The following PDE10A variants were observed in gnomAD, a reference collection of about 807,000 sequenced individuals.
The protein encoded by PDE10A is phosphodiesterase 10A, also known as cAMP and cAMP-inhibited cGMP 3',5'-cyclic phosphodiesterase 10A.
PDE10A carries 39 observed loss-of-function variants against 97.7 expected under a neutral mutation model. The ratio of observed to expected loss-of-function variants is 0.40; its 90% CI spans 0.31 to 0.52. The LOEUF is 0.52. Among genes scored for constraint, PDE10A ranks in the 20% least tolerant of loss-of-function variants. The pLI, the probability that PDE10A is intolerant of heterozygous loss-of-function variation, is 0.56. For synonymous variants in PDE10A, 371 were observed against 376.8 expected, an observed-to-expected ratio of 0.98 and a Z score of 0.18; for missense variants, 731 against 1,047.8, an observed-to-expected ratio of 0.70 and a Z score of 4.17.
At chr6:165,551,574 G>C (rs1009552411) in intron 1 of PDE10A, among the ~76,000 whole-genome samples, 4 of 152,166 alleles carry the variant, frequency 2.6e-5, no homozygotes. Flanking sequence ...AATAATTGTA[G>C]CAGTTTTCTA....
rs78414147 is a variant in PDE10A, at chr6:165,444,073, A to T, written c.1194+4855T>A. Among the ~76,000 whole-genome samples the T allele has an allele frequency of 9.3e-3, 1,407 of 151,982 alleles. 23 individuals are homozygous for T. The highest frequency in any genetic ancestry group is 0.033 in the African/African-American group (1,351 of 41,426). On this transcript the variant is annotated intron_variant, in intron 5 of 21. Coordinates refer to ENST00000539869, the MANE Select transcript of PDE10A (RefSeq NM_001385079.1). Reference sequence around the variant, plus strand: ...GTTCTGCTTCCCTTTTAAACACAAAACCTTCTCTTCATGAACACATATGAC... The same window carrying T: ...GTTCTGCTTCCCTTTTAAACACAAATCCTTCTCTTCATGAACACATATGAC...
intron 1 of PDE10A, chr6:165,948,449 G>A (rs1029563399): frequency 6.6e-6 from 1 of 152,334 alleles, no homozygotes; most frequent in African/African-American, 2.4e-5. Context: ...AGAGAGCAGA[G>A]GAGCTTGCAC....
chr6:165,666,779 C>T (rs1383232821), upstream of PDE10A, among the ~76,000 whole-genome samples: 1 of 152,104 alleles, frequency 6.6e-6, no homozygotes, highest in Non-Finnish European at 1.5e-5. Flanking sequence ...ATTTTATCTG[C>T]ACATATCAAC....
chr6:165,777,302 A>G (rs1164990361), intron 1 of PDE10A, among the ~76,000 whole-genome samples: 1 of 152,202 alleles, frequency 6.6e-6, no homozygotes, highest in Non-Finnish European at 1.5e-5. Flanking sequence ...GGGAGAACAG[A>G]CAAAGATCAC....
At chr6:165,775,083 T>C (rs1318921433) in intron 1 of PDE10A, 1 of 152,168 alleles carries the variant, frequency 6.6e-6, no homozygotes, top group African/African-American at 2.4e-5. Flanking sequence ...TGCTCATCAC[T>C]GGCCCTCTTC....
At chr6:165,768,834 C>T (rs752945407) in intron 1 of PDE10A, among the ~76,000 whole-genome samples, 6 of 151,992 alleles carry the variant, frequency 3.9e-5, no homozygotes, top group Non-Finnish European at 8.8e-5. Context: ...ACTTGGTGAT[C>T]GTAATCATCT....
chr6:165,424,045 G>A (rs1255931528), intron 10 of PDE10A, among the ~76,000 whole-genome samples: 1 of 151,958 alleles, frequency 6.6e-6, no homozygotes, highest in African/African-American at 2.4e-5. Flanking sequence ...CCCAGGCCTG[G>A]GTGACTTGGC....
intron 1 of PDE10A, among the ~76,000 whole-genome samples, chr6:165,757,542 A>C (rs1459394364): frequency 6.6e-6 from 1 of 152,092 alleles, no homozygotes; most frequent in Non-Finnish European, 1.5e-5. Context: ...TATTCATTTA[A>C]AATGTGTCCT....
chr6:165,585,500 GA>G (rs1406819121), intron 1 of PDE10A, among the ~76,000 whole-genome samples: 1 of 152,164 alleles, frequency 6.6e-6, no homozygotes, highest in African/African-American at 2.4e-5. Flanking sequence ...GAGGGAGGCA[GA>G]GGAATTTTTG....
At chr6:165,894,085 T>A in intron 1 of PDE10A, 2 of 356,360 alleles carry the variant, frequency 5.6e-6, no homozygotes, top group Non-Finnish European at 1.1e-5. Context: ...TTTGCAGCAC[T>A]TCCTGGATGA....
chr6:165,355,488 C>T (rs950283292), intron 18 of PDE10A, among the ~76,000 whole-genome samples: 1 of 152,170 alleles, frequency 6.6e-6, no homozygotes, highest in Non-Finnish European at 1.5e-5. Flanking sequence ...CTCAAACTAA[C>T]ATTTGTGTGA....
chr6:165,416,464 T>C (rs931862051), intron 11 of PDE10A, among the ~76,000 whole-genome samples, 183 bp from the exon 12 acceptor site: 1 of 152,194 alleles, frequency 6.6e-6, no homozygotes, highest in Non-Finnish European at 1.5e-5. Flanking sequence ...CAGAAAACCA[T>C]TACACAGTAA....
intron 1 of PDE10A, among the ~76,000 whole-genome samples, chr6:165,954,644 C>T (rs1784074658): frequency 6.6e-6 from 1 of 152,164 alleles, no homozygotes; most frequent in African/African-American, 2.4e-5. Context: ...CCGACTCCAG[C>T]TTCATCTTGG....
intron 1 of PDE10A, among the ~76,000 whole-genome samples, chr6:165,849,936 C>T (rs546738703): frequency 2.0e-5 from 3 of 152,330 alleles, no homozygotes; most frequent in African/African-American, 7.2e-5. Context: ...CCCTTTTAAT[C>T]ACACGGAATC....
chr6:165,459,524 GAC>G (rs1464273902), intron 3 of PDE10A, among the ~76,000 whole-genome samples: 1 of 34,038 alleles, frequency 2.9e-5, no homozygotes, highest in Non-Finnish European at 5.9e-5. Context: ...TAGATAGATA[GAC>G]AGACAGACAG....
chr6:165,459,092 A>C (rs1778139632), intron 3 of PDE10A, among the ~76,000 whole-genome samples: 1 of 152,218 alleles, frequency 6.6e-6, no homozygotes, highest in Admixed American at 6.5e-5. Context: ...TCTAAATATC[A>C]GATTGAGGTT....
At chr6:165,356,545 A>G (rs866999442) in intron 18 of PDE10A, among the ~76,000 whole-genome samples, 2 of 152,042 alleles carry the variant, frequency 1.3e-5, no homozygotes, top group African/African-American at 4.8e-5. Flanking sequence ...TTTTAGCATG[A>G]TGAAGTCTCA....
chr6:165,843,323 GAC>G (rs143727468), intron 1 of PDE10A, among the ~76,000 whole-genome samples: 2,288 of 152,268 alleles, frequency 0.015, 66 homozygotes, highest in African/African-American at 0.052. Context: ...TCCCAGAGCA[GAC>G]ACACACACAG....
intron 19 of PDE10A, among the ~76,000 whole-genome samples, 168 bp from the exon 20 acceptor site, chr6:165,339,526 A>G (rs578061316): frequency 2.0e-5 from 3 of 152,226 alleles, no homozygotes; most frequent in Non-Finnish European, 4.4e-5. Context: ...TTAATGTATC[A>G]TTATTTTGTA....
Sources: allele counts gnomAD v4.1 joint callset (sites outside exome capture counted in the v4.1 genomes callset), GRCh38; gene constraint gnomAD v4.1.1; transcripts MANE v1.5; gene names NCBI Gene and HGNC (gene_info 2026-07-23, HGNC 2026-07-21).